The following PCNX2 variants were observed in gnomAD, a reference collection of about 807,000 sequenced individuals.
The protein encoded by PCNX2 is pecanex 2.
Under a neutral mutation model 223.8 loss-of-function variants are expected in PCNX2, and 168 were observed. The ratio of observed to expected loss-of-function variants is 0.75; its 90% CI spans 0.66 to 0.85. PCNX2 has a LOEUF of 0.85. PCNX2 is among the 40% of genes least tolerant of loss of function. The pLI, the probability that PCNX2 is intolerant of heterozygous loss-of-function variation, is 0.00. For missense variants in PCNX2, 2,507 were observed against 2,675.5 expected (o/e 0.94, Z 1.39); for synonymous variants, 1,006 against 1,052.6 (o/e 0.96, Z 0.86).
At position 233,017,083 on chromosome 1, in the gene PCNX2, G is replaced by T; in HGVS notation, c.4677C>A (p.Ser1559=). 6.2e-7 allele frequency: 1 copy of T among 1,610,514 alleles called. No individual in the cohort carries two copies. Among genetic ancestry groups the T allele is most frequent in the South Asian group, 1.1e-5 (1 of 90,962 alleles). ...AATGCCACTTGGCAAAGGGCTGCAG[G>T]GACTTCAGAAGTGATTCATTTTTGA... The part of the protein sequence containing the change: ...SWIKNESLLK[S]LQPFAKWHYI... The change falls in exon 27 of 34, where the codon TCC becomes TCA. Residue 1559 remains serine (S), a synonymous_variant. Transcript: ENST00000258229.
chr1:233,050,786 C>A (rs1291634611), intron 25 of PCNX2, among the ~76,000 whole-genome samples: 5 of 152,050 alleles, frequency 3.3e-5, no homozygotes, highest in African/African-American at 1.2e-4. Flanking sequence ...ATGACTAAGT[C>A]TTCAAAAGCA....
the PCNX2 span, among the ~76,000 whole-genome samples, chr1:233,323,124 C>A: frequency 6.6e-6 from 1 of 152,142 alleles, no homozygotes; most frequent in Admixed American, 6.5e-5. Context: ...GAAGGTGGCA[C>A]CAGAACTCAT....
intron 9 of PCNX2, among the ~76,000 whole-genome samples, chr1:233,230,008 TTCA>T (rs1442992427): frequency 2.1e-4 from 32 of 152,356 alleles, no homozygotes; most frequent in African/African-American, 7.5e-4. Flanking sequence ...TTTAATATCA[TTCA>T]TGTTTTCACT....
intron 32 of PCNX2, among the ~76,000 whole-genome samples, chr1:232,995,927 G>A (rs1160103476): frequency 3.3e-5 from 5 of 151,982 alleles, no homozygotes; most frequent in Admixed American, 1.3e-4. Context: ...GCGTGATCTC[G>A]GCTCACTGCT....
chr1:233,063,316 C>A (rs1221865964), intron 23 of PCNX2, among the ~76,000 whole-genome samples: 2 of 151,244 alleles, frequency 1.3e-5, no homozygotes, highest in African/African-American at 4.9e-5. Flanking sequence ...ACCAAACATA[C>A]AAAAATATAC....
chr1:232,998,715 C>T (rs1669964097), intron 31 of PCNX2, among the ~76,000 whole-genome samples: 1 of 152,364 alleles, frequency 6.6e-6, no homozygotes, highest in Middle Eastern at 3.4e-3. Context: ...TCAGGCAAAA[C>T]TTCTTAGAAT....
At chr1:233,018,991 G>A (rs1406514833) in intron 26 of PCNX2, 1 of 985,272 alleles carries the variant, frequency 1.0e-6, no homozygotes, top group Non-Finnish European at 1.2e-6. Flanking sequence ...TTCTAGGGGG[G>A]CCCCCACCCT....
At chr1:233,213,503 T>C (rs78755333) in intron 12 of PCNX2, among the ~76,000 whole-genome samples, 1,983 of 152,308 alleles carry the variant, frequency 0.013, 24 homozygotes, top group South Asian at 0.044. Context: ...GAATGGGGTA[T>C]ACAGACACTC....
intron 25 of PCNX2, among the ~76,000 whole-genome samples, chr1:233,035,233 T>C (rs114892418): frequency 6.6e-6 from 1 of 152,206 alleles, no homozygotes; most frequent in South Asian, 2.1e-4. Flanking sequence ...TTTTCAAGAT[T>C]GGGCTTCTTG....
At chr1:233,164,482 G>A (rs1272332386) in intron 17 of PCNX2, among the ~76,000 whole-genome samples, 1 of 152,016 alleles carries the variant, frequency 6.6e-6, no homozygotes, top group Non-Finnish European at 1.5e-5. Flanking sequence ...AGAGATATCT[G>A]CACTCCCAGG....
intron 5 of PCNX2, among the ~76,000 whole-genome samples, chr1:233,256,002 A>G (rs1443854543): frequency 6.6e-6 from 1 of 151,162 alleles, no homozygotes; most frequent in Non-Finnish European, 1.5e-5. Context: ...TCTTTCTTCA[A>G]TTAAAATCCT....
chr1:233,221,578 A>G (rs988957421), intron 10 of PCNX2, among the ~76,000 whole-genome samples: 13 of 152,114 alleles, frequency 8.5e-5, no homozygotes, highest in Admixed American at 7.2e-4. Flanking sequence ...GAGTGACATG[A>G]CTAAGGCTGT....
chr1:233,251,154 G>A (rs774718131), intron 7 of PCNX2, among the ~76,000 whole-genome samples: 4 of 152,016 alleles, frequency 2.6e-5, no homozygotes, highest in African/African-American at 4.8e-5. Context: ...CTTTACATAC[G>A]TTCTCTTCAT....
intron 14 of PCNX2, among the ~76,000 whole-genome samples, chr1:233,199,651 G>A (rs1680941881): frequency 6.6e-6 from 1 of 152,134 alleles, no homozygotes; most frequent in Non-Finnish European, 1.5e-5. Flanking sequence ...TGAATCTAAA[G>A]TATGACATTA....
intron 9 of PCNX2, among the ~76,000 whole-genome samples, chr1:233,229,078 A>C (rs1657910017): frequency 6.6e-6 from 1 of 152,154 alleles, no homozygotes; most frequent in African/African-American, 2.4e-5. Flanking sequence ...GGCAGACAGC[A>C]CAACTTTTTT....
At chr1:233,208,785 T>C (rs1681638542) in intron 12 of PCNX2, 96 bp from the exon 13 acceptor site, 5 of 587,752 alleles carry the variant, frequency 8.5e-6, no homozygotes, top group East Asian at 7.9e-5. Context: ...ATATAACTTA[T>C]ACATATAACA....
intron 19 of PCNX2, among the ~76,000 whole-genome samples, chr1:233,153,548 A>G (rs1677945542): frequency 6.6e-6 from 1 of 152,252 alleles, no homozygotes; most frequent in African/African-American, 2.4e-5. Context: ...TTCAACAAAT[A>G]TATTAAAACT....
rs1048623868 is a variant in PCNX2, at chr1:233,001,651, G to A, written c.4983C>T (p.Val1661=). Residue 1661 remains valine (V), a synonymous_variant, in exon 29 of 34, where the codon GTC becomes GTT. Coordinates refer to ENST00000258229, the MANE Select transcript of PCNX2 (RefSeq NM_014801.4). The surrounding 1 kb of genome is among the most constrained non-coding windows in gnomAD (Gnocchi z 4.2). Reference sequence around the variant, plus strand: ...TTATTCTGAAGTCACCTTTGAAGAGGACATGGAGGCCATACAGGAAAGAAT... The same window carrying A: ...TTATTCTGAAGTCACCTTTGAAGAGAACATGGAGGCCATACAGGAAAGAAT... ...SLDSFLYGLH[V]LFKGDFRITA... 1 of 1,591,330 alleles carries A rather than the reference G, an allele frequency of 6.3e-7. No individual in the cohort carries two copies. Among genetic ancestry groups the A allele is most frequent in the Non-Finnish European group, 8.6e-7 (1 of 1,166,758 alleles).
chr1:233,137,295 AGTGTGAGTGTGG>A (rs142885616), intron 20 of PCNX2, among the ~76,000 whole-genome samples: 3,064 of 152,212 alleles, frequency 0.02, 40 homozygotes, highest in East Asian at 0.051. Context: ...AGTGTGAGTG[AGTGTGAGTGTGG>A]GTGTGAGTGT....
Sources: allele counts gnomAD v4.1 joint callset (sites outside exome capture counted in the v4.1 genomes callset), GRCh38; gene constraint gnomAD v4.1.1; non-coding constraint Gnocchi (gnomAD v3.1); transcripts MANE v1.5; gene names NCBI Gene and HGNC (gene_info 2026-07-23, HGNC 2026-07-21).